The following TMEM156 variants were observed in gnomAD, a reference collection of about 807,000 sequenced individuals.
TMEM156 encodes the protein transmembrane protein 156.
Under a neutral mutation model 30.5 loss-of-function variants are expected in TMEM156, and 28 were observed. The observed-to-expected ratio is 0.92, with a 90% CI of 0.68 to 1.26. The LOEUF is 1.26. Ranked by LOEUF, TMEM156 falls within the 50% of genes most tolerant of loss-of-function variation. The pLI, the probability that TMEM156 is intolerant of heterozygous loss-of-function variation, is 0.00. For missense variants in TMEM156, 351 were observed against 340.6 expected (o/e 1.03, Z -0.24); for synonymous variants, 137 against 119.9 (o/e 1.14, Z -0.93).
At chr4:38,999,190 T>C (rs73236701) in intron 1 of TMEM156, among the ~76,000 whole-genome samples, 40,976 of 149,994 alleles carry the variant, frequency 0.27, 6,161 homozygotes, top group East Asian at 0.44. Context: ...AATCATAGCT[T>C]ACTGCAGCCT....
rs1553878600 is a variant in TMEM156 at position 38,990,830 on chromosome 4, G to GTTTCT, written c.620-1861_620-1860insAGAAA. On this transcript the variant is annotated intron_variant, in intron 3 of 6. Coordinates refer to ENST00000381938, the MANE Select transcript of TMEM156 (RefSeq NM_024943.3). The stretch of plus-strand genomic sequence containing the variant: ...CTTTGTTTTTTTGGTTTGTTTTCTG[G>GTTTCT]TTTTTTTTTTTTTTTTTTTTTTTGA... 5.0e-3 allele frequency among the ~76,000 whole-genome samples: 407 copies of GTTTCT among 81,184 alleles called. 13 individuals are homozygous for GTTTCT. The highest frequency in any genetic ancestry group is 8.5e-3 in the East Asian group (19 of 2,248). The allele number at this position is 81,184 out of a possible 152,430, so 53.3% of individuals were successfully genotyped here. A position where few individuals can be genotyped will look rare whatever the true frequency, so the allele number is the denominator to read the frequency against.
chr4:39,021,402 A>AG (rs1381359807), intron 1 of TMEM156, among the ~76,000 whole-genome samples: 1 of 151,626 alleles, frequency 6.6e-6, no homozygotes, highest in African/African-American at 2.4e-5. Flanking sequence ...CTCAAAAAAA[A>AG]ATAAATAAAT....
At chr4:38,972,900 GT>G (rs1442974590) in intron 5 of TMEM156, among the ~76,000 whole-genome samples, 2 of 152,154 alleles carry the variant, frequency 1.3e-5, no homozygotes, top group Admixed American at 1.3e-4. Flanking sequence ...GCTTGTGATA[GT>G]TTTTTTGCTG....
intron 1 of TMEM156, among the ~76,000 whole-genome samples, chr4:39,016,685 T>C (rs2110039244): frequency 6.6e-6 from 1 of 152,366 alleles, no homozygotes; most frequent in East Asian, 1.9e-4. Context: ...TTTCCAAATA[T>C]ATTACCTATT....
At chr4:39,002,626 A>G (rs1713446986) in intron 1 of TMEM156, among the ~76,000 whole-genome samples, 2 of 148,864 alleles carry the variant, frequency 1.3e-5, no homozygotes, top group South Asian at 2.2e-4. Flanking sequence ...AAAGACTTGG[A>G]ACCAACCCAA....
chr4:38,983,880 C>T (rs904557348), intron 5 of TMEM156, among the ~76,000 whole-genome samples: 14 of 152,228 alleles, frequency 9.2e-5, no homozygotes, highest in African/African-American at 2.9e-4. Context: ...ATCCCTCAGA[C>T]TCATTTCTTG....
intron 4 of TMEM156, among the ~76,000 whole-genome samples, chr4:38,986,752 G>C (rs1316578960): frequency 7.6e-6 from 1 of 131,200 alleles, no homozygotes; most frequent in Admixed American, 8.9e-5. Context: ...AGGTTGCAGT[G>C]AGCCGAGATC....
intron 1 of TMEM156, among the ~76,000 whole-genome samples, chr4:39,028,978 G>A (rs774623473): frequency 7.2e-5 from 11 of 152,146 alleles, no homozygotes; most frequent in Non-Finnish European, 1.3e-4. Context: ...GGTAAAGTTA[G>A]ACTAAATAGC....
At chr4:39,031,738 G>T (rs1174653150) in intron 1 of TMEM156, among the ~76,000 whole-genome samples, 1 of 151,772 alleles carries the variant, frequency 6.6e-6, no homozygotes, top group Non-Finnish European at 1.5e-5. Flanking sequence ...ACAAAAATTA[G>T]CCAGGCATGG....
At chr4:39,024,386 T>C (rs575175344) in intron 1 of TMEM156, among the ~76,000 whole-genome samples, 5 of 152,264 alleles carry the variant, frequency 3.3e-5, no homozygotes, top group East Asian at 3.9e-4. Context: ...TGGTATGTGA[T>C]AGTAGTTACA....
Position 38,988,815 on chromosome 4 carries a change from T to TGC in TMEM156, c.739+35_739+36insGC, listed in dbSNP as rs752144399. 6.2e-6 allele frequency: 10 copies of TGC among 1,612,578 alleles called. No individual in the cohort carries two copies. In the African/African-American group the frequency reaches 1.3e-4, roughly 22 times the overall value. ...AAGGAAATGAAATCCATAGAAGAGA[T>TGC]CAGGAGTTCCTCGGCACTACAGGGA... is the stretch of plus-strand genomic sequence containing the variant. On this transcript the variant is annotated intron_variant, in intron 4 of 6. Transcript: ENST00000381938.
intron 5 of TMEM156, among the ~76,000 whole-genome samples, chr4:38,979,391 T>C (rs1198059918): frequency 6.6e-6 from 1 of 152,228 alleles, no homozygotes; most frequent in Non-Finnish European, 1.5e-5. Context: ...AAAGCTAGTG[T>C]GGCTGCCTTG....
At chr4:38,993,678 T>C in intron 3 of TMEM156, 60 bp downstream of exon 3, 2 of 1,484,336 alleles carry the variant, frequency 1.3e-6, no homozygotes, top group East Asian at 2.3e-5. Context: ...TAGCCCTTAC[T>C]TAATTTTACA....
chr4:39,022,484 G>A (rs768858264), intron 1 of TMEM156, among the ~76,000 whole-genome samples: 13 of 152,086 alleles, frequency 8.5e-5, no homozygotes, highest in African/African-American at 9.7e-5. Context: ...TTAGCCATAC[G>A]TATTTATAAT....
At chr4:38,988,408 G>A (rs984805329) in intron 4 of TMEM156, among the ~76,000 whole-genome samples, 2 of 146,796 alleles carry the variant, frequency 1.4e-5, no homozygotes, top group African/African-American at 2.5e-5. Flanking sequence ...ATTTTTAGTA[G>A]AGACGGGCTT....
chr4:38,998,573 C>A (rs1359670051), intron 2 of TMEM156, 67 bp downstream of exon 2: 1 of 1,350,680 alleles, frequency 7.4e-7, no homozygotes, highest in Non-Finnish European at 9.8e-7. Flanking sequence ...ATTATTAATA[C>A]GTTTTTAACA....
chr4:39,032,224 A>G lies in TMEM156; in HGVS notation c.88+2T>C. 1 of 1,572,196 alleles carries G rather than the reference A, an allele frequency of 6.4e-7. No homozygotes were observed. The highest frequency in any genetic ancestry group is 8.7e-7 in the Non-Finnish European group (1 of 1,145,912). On this transcript the variant is annotated splice_donor_variant, in intron 1 of 6. Coordinates refer to ENST00000381938, the MANE Select transcript of TMEM156 (RefSeq NM_024943.3). LOFTEE classifies it high-confidence loss of function. ...AAAGCTAGATTACAATTATATACTC[A>G]CCTTTCGGTGTCTTGAAATATTCCG...
At chr4:39,032,186 A>C (rs533099082) in intron 1 of TMEM156, 40 bp downstream of exon 1, 7 of 1,344,302 alleles carry the variant, frequency 5.2e-6, no homozygotes, top group African/African-American at 1.5e-5. Flanking sequence ...TAATTTTTTT[A>C]AATTAAGAAA....
intron 1 of TMEM156, among the ~76,000 whole-genome samples, chr4:39,027,826 G>A (rs1211553621): frequency 2.1e-5 from 3 of 139,682 alleles, no homozygotes; most frequent in African/African-American, 5.3e-5. Context: ...GTGTAATCTC[G>A]GCTCACTGCA....
Sources: allele counts gnomAD v4.1 joint callset (sites outside exome capture counted in the v4.1 genomes callset), GRCh38; gene constraint gnomAD v4.1.1; transcripts MANE v1.5; gene names NCBI Gene and HGNC (gene_info 2026-07-23, HGNC 2026-07-21).